The following EXOC4 variants were observed in gnomAD, a reference collection of about 807,000 sequenced individuals.
The protein encoded by EXOC4 is SEC8-like 1.
A neutral mutation model predicts 107.2 loss-of-function variants in EXOC4; 71 were observed. The observed-to-expected ratio is 0.66, with a 90% CI of 0.55 to 0.81. The LOEUF is 0.81. Ranked by LOEUF, EXOC4 falls within the 30% of genes least tolerant of loss-of-function variation. The pLI is 0.00. For synonymous variants in EXOC4, 456 were observed against 441.2 expected (o/e 1.03, Z -0.42); for missense variants, 1,108 against 1,189.6 (o/e 0.93, Z 1.01).
chr7:133,990,239 A>T (rs1286540278), intron 14 of EXOC4, among the ~76,000 whole-genome samples: 1 of 151,212 alleles, frequency 6.6e-6, no homozygotes, highest in East Asian at 1.9e-4. Context: ...TTCTAAGTGT[A>T]TTTTTGTGCC....
chr7:133,480,437 G>T, intron 9 of EXOC4: 1 of 1,144,098 alleles, frequency 8.7e-7, no homozygotes, highest in Non-Finnish European at 1.1e-6. Flanking sequence ...CTAGGAGAAT[G>T]TTGGTCTTCT....
intron 10 of EXOC4, among the ~76,000 whole-genome samples, chr7:133,803,016 T>G (rs1796985727): frequency 6.6e-6 from 1 of 152,188 alleles, no homozygotes; most frequent in Non-Finnish European, 1.5e-5. Context: ...AGTAATGAAC[T>G]GAATACATAA....
chr7:133,931,892 C>G (rs904079464), intron 13 of EXOC4, among the ~76,000 whole-genome samples: 3 of 152,206 alleles, frequency 2.0e-5, no homozygotes, highest in African/African-American at 7.2e-5. Flanking sequence ...TAGACCTTTG[C>G]CTCTGCCATA....
intron 7 of EXOC4, among the ~76,000 whole-genome samples, chr7:133,459,348 C>A (rs931311035): frequency 1.3e-5 from 2 of 152,192 alleles, no homozygotes; most frequent in African/African-American, 2.4e-5. Context: ...TACAAATGCT[C>A]ACTCTCATGT....
intron 12 of EXOC4, among the ~76,000 whole-genome samples, chr7:133,912,238 C>G (rs1418360872): frequency 6.6e-6 from 1 of 152,102 alleles, no homozygotes; most frequent in Non-Finnish European, 1.5e-5. Flanking sequence ...AGGGAGAGAT[C>G]ATTGTAGGCT....
rs115238501 is a variant in EXOC4, at chr7:133,541,243, A to G, written c.1417+61105A>G. ...TCAGCTAGAAGTATAGTTAGGAAGTATCAGTTGCCGTTTCTGAGAACCTAT... is the reference window on the plus strand; with the variant it reads ...TCAGCTAGAAGTATAGTTAGGAAGTGTCAGTTGCCGTTTCTGAGAACCTAT... On this transcript the variant is annotated intron_variant, in intron 9 of 17. Coordinates refer to ENST00000253861, the MANE Select transcript of EXOC4 (RefSeq NM_021807.4). 6.1e-3 allele frequency among the ~76,000 whole-genome samples: 927 copies of G among 152,284 alleles called. 12 individuals are homozygous for G. Among genetic ancestry groups the G allele is most frequent in the African/African-American group, 0.021 (881 of 41,560 alleles).
At chr7:134,046,201 G>T (rs1795646046) in intron 17 of EXOC4, among the ~76,000 whole-genome samples, 2 of 152,240 alleles carry the variant, frequency 1.3e-5, no homozygotes, top group East Asian at 3.9e-4. Context: ...CCACCTCAGG[G>T]CCGGGCACAA....
At chr7:133,842,767 A>G (rs1043338125) in intron 11 of EXOC4, among the ~76,000 whole-genome samples, 3 of 152,030 alleles carry the variant, frequency 2.0e-5, no homozygotes, top group South Asian at 4.1e-4. Flanking sequence ...TTATAGTTTT[A>G]GGTTTTATAT....
intron 9 of EXOC4, among the ~76,000 whole-genome samples, chr7:133,488,626 A>T (rs1799314200): frequency 6.6e-6 from 1 of 152,214 alleles, no homozygotes; most frequent in South Asian, 2.1e-4. Context: ...ACCTCATATC[A>T]TTTAGGGAAA....
At chr7:133,578,886 G>A (rs897348379) in intron 9 of EXOC4, among the ~76,000 whole-genome samples, 1 of 152,260 alleles carries the variant, frequency 6.6e-6, no homozygotes, top group Admixed American at 6.5e-5. Flanking sequence ...ACTCTTTGAG[G>A]TAGCTAGGGC....
At chr7:134,055,903 A>G (rs1377474900) in intron 17 of EXOC4, among the ~76,000 whole-genome samples, 1 of 152,234 alleles carries the variant, frequency 6.6e-6, no homozygotes, top group East Asian at 1.9e-4. Flanking sequence ...AACATTTAAA[A>G]TGTTATTAGA....
the EXOC4 span, among the ~76,000 whole-genome samples, chr7:134,093,156 A>G: frequency 6.6e-6 from 1 of 152,098 alleles, no homozygotes; most frequent in African/African-American, 2.4e-5. Context: ...CCTTCCTTCC[A>G]TGTGCTGTGT....
intron 11 of EXOC4, among the ~76,000 whole-genome samples, chr7:133,823,495 T>C (rs944864478): frequency 7.2e-5 from 11 of 152,102 alleles, no homozygotes; most frequent in African/African-American, 2.2e-4. Context: ...GTATCAGTTA[T>C]TGCTGGCAGA....
At chr7:133,478,021 G>A (rs1162345086) in intron 8 of EXOC4, among the ~76,000 whole-genome samples, 1 of 152,092 alleles carries the variant, frequency 6.6e-6, no homozygotes, top group Non-Finnish European at 1.5e-5. Context: ...ATGCCCAGAT[G>A]GAATCAGGGC....
chr7:133,871,074 C>T (rs1450235976), intron 11 of EXOC4, among the ~76,000 whole-genome samples: 1 of 152,176 alleles, frequency 6.6e-6, no homozygotes, highest in East Asian at 1.9e-4. Context: ...TGTAATATGA[C>T]AAAGGTAATA....
intron 10 of EXOC4, among the ~76,000 whole-genome samples, chr7:133,633,965 C>T (rs1328231074): frequency 2.0e-5 from 3 of 152,174 alleles, no homozygotes; most frequent in Middle Eastern, 3.4e-3. Flanking sequence ...CTATGCACTT[C>T]ATTTATTAAA....
intron 6 of EXOC4, among the ~76,000 whole-genome samples, chr7:133,358,822 C>T (rs1017732384): frequency 4.5e-4 from 69 of 151,692 alleles, no homozygotes; most frequent in African/African-American, 1.4e-3. Context: ...CCAGAATTCA[C>T]GAGTGGAAAT....
chr7:133,535,701 G>T (rs778804607), intron 9 of EXOC4, among the ~76,000 whole-genome samples: 1 of 152,004 alleles, frequency 6.6e-6, no homozygotes, highest in East Asian at 1.9e-4. Flanking sequence ...TACCTTATAC[G>T]TTTTAATTTT....
intron 9 of EXOC4, among the ~76,000 whole-genome samples, chr7:133,562,281 G>A (rs553421174): frequency 6.6e-6 from 1 of 152,174 alleles, no homozygotes; most frequent in Non-Finnish European, 1.5e-5. Context: ...CCAGGGGTTG[G>A]TTTCTGCTCC....
Sources: gnomAD v4.1 joint callset for allele counts (sites outside exome capture counted in the v4.1 genomes callset) on GRCh38, gnomAD v4.1.1 for gene constraint, MANE v1.5 for transcripts, NCBI Gene and HGNC (gene_info 2026-07-23, HGNC 2026-07-21) for gene names.